GNB4: variants seen among roughly 807,000 people sequenced by gnomAD.
GNB4 encodes the protein guanine nucleotide-binding protein subunit beta-4.
Under a neutral mutation model 45.2 loss-of-function variants are expected in GNB4, and 28 were observed. The observed-to-expected ratio is 0.62, with a 90% CI of 0.46 to 0.85. The LOEUF is 0.85. GNB4 is among the 40% of genes least tolerant of loss of function. The pLI, the probability that GNB4 is intolerant of heterozygous loss-of-function variation, is 0.00. For missense variants in GNB4, 321 were observed against 425.4 expected, an observed-to-expected ratio of 0.75 and a Z score of 2.16; for synonymous variants, 132 against 143.7, an observed-to-expected ratio of 0.92 and a Z score of 0.58.
chr3:179,493,576 G>T, the GNB4 span, among the ~76,000 whole-genome samples: 1 of 151,702 alleles, frequency 6.6e-6, no homozygotes, highest in African/African-American at 2.4e-5. Flanking sequence ...AGGACTTATG[G>T]GACTCCATTA....
At chr3:179,501,408 C>T in the GNB4 span, among the ~76,000 whole-genome samples, 1 of 151,816 alleles carries the variant, frequency 6.6e-6, no homozygotes, top group East Asian at 1.9e-4. Flanking sequence ...AAGTGATTCT[C>T]CCACCTCAGC....
chr3:179,442,287 G>A (rs1344907126), intron 1 of GNB4, among the ~76,000 whole-genome samples: 1 of 152,150 alleles, frequency 6.6e-6, no homozygotes, highest in Non-Finnish European at 1.5e-5. Context: ...TATTGTCCAT[G>A]AATTCATTGA....
At chr3:179,490,514 C>T in the GNB4 span, among the ~76,000 whole-genome samples, 1 of 152,074 alleles carries the variant, frequency 6.6e-6, no homozygotes, top group Non-Finnish European at 1.5e-5. Context: ...CATGACAGGC[C>T]GTCTGCAAGC....
chr3:179,399,039 CATAATAGA>C lies in GNB4; in HGVS notation c.*2166_*2173del, dbSNP rs1714205502. The C allele has an allele frequency of 6.6e-6, 1 of 152,086 alleles. No individual in the cohort carries two copies. Among genetic ancestry groups the C allele is most frequent in the Admixed American group, 6.5e-5 (1 of 15,274 alleles). The allele number at this position is 152,086 out of a possible 1,614,324, so 9.4% of individuals were successfully genotyped here. The stretch of plus-strand genomic sequence containing the variant: ...TTACATATTTAAGGTTATTTTTATG[CATAATAGA>C]ATTGCTTTCTTCTGACTAACCTACA... On this transcript the variant is annotated 3_prime_UTR_variant, in exon 10 of 10. Transcript: ENST00000232564.
intron 1 of GNB4, chr3:179,437,784 A>G: frequency 6.6e-6 from 1 of 152,016 alleles, no homozygotes; most frequent in Non-Finnish European, 1.5e-5. Context: ...AAGGCAGGAT[A>G]GGCCAGGCGC....
chr3:179,492,587 G>T, the GNB4 span, among the ~76,000 whole-genome samples: 2 of 152,102 alleles, frequency 1.3e-5, no homozygotes, highest in Admixed American at 6.6e-5. Flanking sequence ...AGCAGTATGG[G>T]CAACTGGTAC....
chr3:179,467,783 A>G, the GNB4 span, among the ~76,000 whole-genome samples: 1 of 152,066 alleles, frequency 6.6e-6, no homozygotes, highest in African/African-American at 2.4e-5. Flanking sequence ...GGTTTGCTTC[A>G]TGAAACTGGT....
upstream of GNB4, among the ~76,000 whole-genome samples, chr3:179,456,258 A>C (rs1715976702): frequency 6.6e-6 from 1 of 151,978 alleles, no homozygotes; most frequent in South Asian, 2.1e-4. Flanking sequence ...CATACAGCTA[A>C]TTTTTTTGTA....
chr3:179,419,258 C>G (rs1470331767), intron 4 of GNB4, 141 bp downstream of exon 4: 1 of 659,056 alleles, frequency 1.5e-6, no homozygotes, highest in Non-Finnish European at 2.7e-6. Context: ...TTATTGAAAG[C>G]AGCATGTTCA....
chr3:179,436,347 G>A (rs984204551), intron 1 of GNB4, among the ~76,000 whole-genome samples: 1 of 152,154 alleles, frequency 6.6e-6, no homozygotes, highest in African/African-American at 2.4e-5. Context: ...CCGAGATCAT[G>A]CCATTGCACT....
chr3:179,485,747 C>T, the GNB4 span, among the ~76,000 whole-genome samples: 2 of 151,674 alleles, frequency 1.3e-5, no homozygotes, highest in Admixed American at 1.3e-4. Flanking sequence ...TCAAGACCAG[C>T]CTGACCAACA....
chr3:179,468,035 A>AAAAAAATAT, the GNB4 span, among the ~76,000 whole-genome samples: 27 of 89,808 alleles, frequency 3.0e-4, no homozygotes, highest in Non-Finnish European at 4.0e-4. Context: ...TGTTGATAAA[A>AAAAAAATAT]ATATATATAT....
chr3:179,490,104 A>T, the GNB4 span, among the ~76,000 whole-genome samples: 1 of 152,268 alleles, frequency 6.6e-6, no homozygotes, highest in African/African-American at 2.4e-5. Context: ...GAATGTAAGT[A>T]TAAAACCTAG....
chr3:179,480,177 C>T, the GNB4 span, among the ~76,000 whole-genome samples: 1 of 152,372 alleles, frequency 6.6e-6, no homozygotes, highest in Admixed American at 6.5e-5. Context: ...ATGACAGTGC[C>T]ATGCTCTTGG....
intron 9 of GNB4, among the ~76,000 whole-genome samples, chr3:179,404,754 T>C (rs1047825874): frequency 7.2e-5 from 11 of 152,142 alleles, no homozygotes; most frequent in African/African-American, 2.7e-4. Flanking sequence ...TTAATGTGTA[T>C]TGTCATCTTG....
chr3:179,433,952 A>C (rs899418116), intron 1 of GNB4, among the ~76,000 whole-genome samples: 1 of 152,228 alleles, frequency 6.6e-6, no homozygotes, highest in Non-Finnish European at 1.5e-5. Flanking sequence ...ATAAGATAGA[A>C]TGTCATGCCT....
At chr3:179,505,867 C>A in the GNB4 span, among the ~76,000 whole-genome samples, 1 of 152,244 alleles carries the variant, frequency 6.6e-6, no homozygotes, top group Admixed American at 6.5e-5. Flanking sequence ...TGATCCACAG[C>A]TAACCTACAG....
the GNB4 span, among the ~76,000 whole-genome samples, chr3:179,482,065 G>A: frequency 6.6e-6 from 1 of 152,036 alleles, no homozygotes; most frequent in Non-Finnish European, 1.5e-5. Flanking sequence ...ACCACACCTG[G>A]CTAATTTTTG....
the GNB4 span, among the ~76,000 whole-genome samples, chr3:179,477,658 G>A: frequency 6.6e-6 from 1 of 152,076 alleles, no homozygotes; most frequent in East Asian, 1.9e-4. Flanking sequence ...GGTCACTTAA[G>A]GCCAGGAGTT....
Sources: gnomAD v4.1 joint callset for allele counts (sites outside exome capture counted in the v4.1 genomes callset) on GRCh38, gnomAD v4.1.1 for gene constraint, MANE v1.5 for transcripts, NCBI Gene and HGNC (gene_info 2026-07-23, HGNC 2026-07-21) for gene names.